ACACA: variants seen among roughly 807,000 people sequenced by gnomAD.
ACACA encodes acetyl-CoA carboxylase 1.
ACACA carries 103 observed loss-of-function variants against 296.1 expected under a neutral mutation model. That is an observed-to-expected ratio of 0.35 (90% CI 0.30 to 0.41). ACACA has a LOEUF of 0.41. Among genes scored for constraint, ACACA ranks in the 10% least tolerant of loss-of-function variants. ACACA has a pLI of 1.00. For missense variants in ACACA, 1,554 were observed against 2,989.7 expected, an observed-to-expected ratio of 0.52 and a Z score of 11.20; for synonymous variants, 953 against 1,038.6, an observed-to-expected ratio of 0.92 and a Z score of 1.58.
intron 11 of ACACA, among the ~76,000 whole-genome samples, chr17:37,261,985 A>G (rs182407381): frequency 4.5e-4 from 68 of 152,192 alleles, no homozygotes; most frequent in African/African-American, 1.5e-3. Context: ...AAGAATATAC[A>G]TCATATAGAG....
At chr17:37,244,360 C>T (rs948243204) in intron 21 of ACACA, among the ~76,000 whole-genome samples, 1 of 149,370 alleles carries the variant, frequency 6.7e-6, no homozygotes, top group East Asian at 2.1e-4. Flanking sequence ...AGCAAGACTC[C>T]GTCTCGAGGA....
intron 1 of ACACA, among the ~76,000 whole-genome samples, chr17:37,369,667 A>G (rs2049730566): frequency 6.6e-6 from 1 of 151,134 alleles, no homozygotes; most frequent in African/African-American, 2.4e-5. Context: ...AATAGGCAAA[A>G]CTCATTTGTG....
intron 3 of ACACA, among the ~76,000 whole-genome samples, chr17:37,291,769 T>C (rs2083079462): frequency 1.3e-5 from 2 of 152,152 alleles, no homozygotes; most frequent in Non-Finnish European, 2.9e-5. Context: ...AAAGAACACC[T>C]GATGATGTTA....
At chr17:37,144,372 G>A (rs1386535492) in intron 45 of ACACA, 4 of 447,796 alleles carry the variant, frequency 8.9e-6, no homozygotes, top group Admixed American at 8.7e-5. Context: ...TGTCTCTATC[G>A]TAACCTCTTT....
intron 32 of ACACA, 26 bp from the exon 33 acceptor site, chr17:37,205,898 G>T (rs761105580): frequency 1.9e-6 from 3 of 1,546,926 alleles, no homozygotes; most frequent in Non-Finnish European, 2.7e-6. Context: ...ACAAGTCAAA[G>T]AAATTATGAG....
At chr17:37,301,144 A>G (rs1265854560) in intron 3 of ACACA, among the ~76,000 whole-genome samples, 1 of 152,172 alleles carries the variant, frequency 6.6e-6, no homozygotes, top group East Asian at 1.9e-4. Flanking sequence ...CACACTCAAT[A>G]ATCGAGTTTA....
At chr17:37,338,666 A>G (rs1276867040) in intron 2 of ACACA, among the ~76,000 whole-genome samples, 1 of 151,782 alleles carries the variant, frequency 6.6e-6, no homozygotes, top group Non-Finnish European at 1.5e-5. Flanking sequence ...GGCCAGGCAC[A>G]GTCGCTAATG....
chr17:37,236,480 T>G (rs2080116978), intron 24 of ACACA, among the ~76,000 whole-genome samples: 2 of 147,160 alleles, frequency 1.4e-5, no homozygotes, highest in South Asian at 4.2e-4. Context: ...ACTTTCTTGT[T>G]TTTTTTTTTT....
chr17:37,406,269 T>C lies in ACACA; in HGVS notation c.31A>G (p.Arg11Gly). ...AGAGATCTTGGGACATACCTAGCCC[T>C]CAAGATTGACATCAGAGTAGACCAC... The part of the protein sequence containing the change: MWWSTLMSIL[R>G]ARSFWKWIST... The change falls in exon 1 of 56, where the codon AGG (arginine) becomes GGG (glycine). Residue 11 changes from arginine (R) to glycine (G), a missense_variant. Transcript: ENST00000616317. 2 of 1,614,188 alleles carry C rather than the reference T, an allele frequency of 1.2e-6. No individual in the cohort carries two copies. The highest frequency in any genetic ancestry group is 1.7e-6 in the Non-Finnish European group (2 of 1,180,018).
rs141311857 is a variant in ACACA at position 37,366,216 on chromosome 17, C to T, written c.39-26366G>A. 2.7e-4 allele frequency among the ~76,000 whole-genome samples: 41 copies of T among 152,240 alleles called. 1 individual carries two copies. The East Asian group carries it at 7.9e-3, about 29-fold the overall frequency. On this transcript the variant is annotated intron_variant, in intron 1 of 55. Coordinates refer to ENST00000616317, the MANE Select transcript of ACACA (RefSeq NM_198834.3). ...TCTCTTTAGACTTCCCTAGTGTCTC[C>T]ATCATTCCTATATCAGGTTCAGGTT...
intron 3 of ACACA, among the ~76,000 whole-genome samples, chr17:37,326,064 C>G (rs2047605472): frequency 6.6e-6 from 1 of 151,728 alleles, no homozygotes; most frequent in Non-Finnish European, 1.5e-5. Flanking sequence ...AAAAAATTAG[C>G]CGGGCATGGT....
chr17:37,321,401 G>A (rs999785666), intron 3 of ACACA, among the ~76,000 whole-genome samples: 2 of 152,122 alleles, frequency 1.3e-5, no homozygotes, highest in Admixed American at 1.3e-4. Context: ...AAGGCAGGTG[G>A]ATCACGAGGT....
At chr17:37,193,500 T>C in intron 35 of ACACA, 85 bp from the exon 36 acceptor site, 1 of 1,076,860 alleles carries the variant, frequency 9.3e-7, no homozygotes, top group East Asian at 2.4e-5. Flanking sequence ...AGTTAAGCAT[T>C]TAGAAGACAG....
chr17:37,172,990 C>T (rs1395091542), intron 41 of ACACA, among the ~76,000 whole-genome samples: 1 of 152,170 alleles, frequency 6.6e-6, no homozygotes, highest in Non-Finnish European at 1.5e-5. Flanking sequence ...GACACTGACT[C>T]AATTTCTATA....
intron 44 of ACACA, 97 bp from the exon 45 acceptor site, chr17:37,150,071 T>A: frequency 9.5e-7 from 1 of 1,056,716 alleles, no homozygotes; most frequent in African/African-American, 1.6e-5. Context: ...TTAACAGAAA[T>A]AAACATTGCT....
intron 47 of ACACA, among the ~76,000 whole-genome samples, chr17:37,126,657 C>A (rs532392106): frequency 6.6e-6 from 1 of 152,162 alleles, no homozygotes; most frequent in Non-Finnish European, 1.5e-5. Flanking sequence ...AAACCCAAGT[C>A]CAAAACCAAT....
Position 37,143,843 on chromosome 17 carries a change from T to C in ACACA, c.5679+6021A>G. 4.0e-6 allele frequency: 6 copies of C among 1,502,780 alleles called. No homozygotes were observed. In the South Asian group the frequency reaches 6.8e-5, roughly 17 times the overall value. 93.1% of individuals were successfully genotyped at this position (1,502,780 alleles called of 1,614,324 possible). The stretch of plus-strand genomic sequence containing the variant: ...GCAGTATCCTTTTCGTATTTTTCCT[T>C]CAGCTTCGCAGCCTTCTTTTCATAA... On this transcript the variant is annotated intron_variant, in intron 45 of 55. Coordinates refer to ENST00000616317, the MANE Select transcript of ACACA (RefSeq NM_198834.3).
intron 1 of ACACA, chr17:37,359,195 C>A: frequency 1.1e-6 from 1 of 950,746 alleles, no homozygotes; most frequent in Non-Finnish European, 1.3e-6. Context: ...CCTCAGCCGG[C>A]GAGCTCCATG....
chr17:37,173,997 TATATATATA>T (rs2076990640), intron 41 of ACACA, among the ~76,000 whole-genome samples: 8 of 11,612 alleles, frequency 6.9e-4, no homozygotes, highest in African/African-American at 1.5e-3. Context: ...TATATATATA[TATATATATA>T]TATATATATA....
Sources: gnomAD v4.1 joint callset for allele counts (sites outside exome capture counted in the v4.1 genomes callset) on GRCh38, gnomAD v4.1.1 for gene constraint, MANE v1.5 for transcripts, NCBI Gene and HGNC (gene_info 2026-07-23, HGNC 2026-07-21) for gene names.